Variants in HMOX2 observed in about 807,000 individuals in gnomAD.
HMOX2 encodes heme oxygenase 2, also known as heme oxygenase (decycling) 2.
A neutral mutation model predicts 33.7 loss-of-function variants in HMOX2; 30 were observed. That is an observed-to-expected ratio of 0.89 (90% CI 0.67 to 1.21). The LOEUF is 1.21. Ranked by LOEUF, HMOX2 falls within the 50% of genes most tolerant of loss-of-function variation. The probability of loss-of-function intolerance (pLI) is 0.00; values close to 1 mark genes in which losing one functional copy is unlikely to be tolerated. For synonymous variants in HMOX2, 155 were observed against 155.0 expected (o/e 1.00, Z 0.00); for missense variants, 403 against 399.1 (o/e 1.01, Z -0.08).
At chr16:4,504,081 C>T (rs1345498002) in intron 1 of HMOX2, among the ~76,000 whole-genome samples, 1 of 152,218 alleles carries the variant, frequency 6.6e-6, no homozygotes, top group Non-Finnish European at 1.5e-5. Context: ...CTGTGTTTCC[C>T]TGGCTGACAA....
chr16:4,509,548 TG>T lies in HMOX2; in HGVS notation c.823+11del. On this transcript the variant is annotated intron_variant, in intron 5 of 5. Transcript: ENST00000570646. ...GCTGAACAAGACAAAGGTAGGTCTGTGTGTCCTGAGCTCCCCTCCTGGGGCA... is the reference window on the plus strand; with the variant it reads ...GCTGAACAAGACAAAGGTAGGTCTGTTGTCCTGAGCTCCCCTCCTGGGGCA... 3 of 1,614,160 alleles carry T rather than the reference TG, an allele frequency of 1.9e-6. No homozygotes were observed. Among genetic ancestry groups the T allele is most frequent in the Non-Finnish European group, 1.7e-6 (2 of 1,180,020 alleles).
Position 4,508,213 on chromosome 16 carries a change from G to A in HMOX2, c.696+9G>A, listed in dbSNP as rs190293833. ...TTGAGTATAACATGCAGGTACTATT[G>A]GGGGCTGCCAGCTGCTAGGGCTGAA... is the stretch of plus-strand genomic sequence containing the variant. On this transcript the variant is annotated intron_variant, in intron 4 of 5. Transcript: ENST00000570646. 1.5e-3 allele frequency: 2,461 copies of A among 1,590,534 alleles called. 7 individuals are homozygous for A. The highest frequency in any genetic ancestry group is 1.4e-3 in the Non-Finnish European group (1,581 of 1,168,018).
chr16:4,508,412 T>C (rs1365333685), intron 4 of HMOX2, among the ~76,000 whole-genome samples: 1 of 151,948 alleles, frequency 6.6e-6, no homozygotes, highest in Non-Finnish European at 1.5e-5. Flanking sequence ...TAGATGCCAG[T>C]GGGTAGTGTT....
intron 1 of HMOX2, among the ~76,000 whole-genome samples, chr16:4,487,485 A>T (rs892334581): frequency 6.6e-6 from 1 of 150,952 alleles, no homozygotes; most frequent in African/African-American, 2.4e-5. Flanking sequence ...AGCCTGACCA[A>T]CATGGAGAAA....
chr16:4,503,072 C>T (rs2058598606), intron 1 of HMOX2: 1 of 152,182 alleles, frequency 6.6e-6, no homozygotes, highest in African/African-American at 2.4e-5. Context: ...ACCTCGGCCT[C>T]CCAAAGTGTT....
intron 1 of HMOX2, among the ~76,000 whole-genome samples, chr16:4,501,914 C>A (rs867324224): frequency 6.6e-6 from 1 of 152,186 alleles, no homozygotes; most frequent in Admixed American, 6.5e-5. Context: ...CCTCCTCTGC[C>A]CCCAGCCCCC....
chr16:4,509,388 TCA>T, intron 4 of HMOX2, 22 bp from the exon 5 acceptor site: 1 of 1,603,372 alleles, frequency 6.2e-7, no homozygotes, highest in South Asian at 1.1e-5. Flanking sequence ...CAAAGATGGC[TCA>T]GTCGATCCTC....
rs1395263250 is a variant in HMOX2 at position 4,509,763 on chromosome 16, C to G, written c.*7C>G. On this transcript the variant is annotated 3_prime_UTR_variant, in exon 6 of 6. Coordinates refer to ENST00000570646, the MANE Select transcript of HMOX2 (RefSeq NM_002134.4). ...GGCCTGGTACTACATGTGAAGCACC[C>G]ATCATGCCACACCGGTACCCTCCTC... The G allele has an allele frequency of 6.8e-6, 11 of 1,610,766 alleles. No individual in the cohort carries two copies. Among genetic ancestry groups the G allele is most frequent in the Non-Finnish European group, 8.5e-6 (10 of 1,178,886 alleles).
chr16:4,509,493 G>A lies in HMOX2; in HGVS notation c.778G>A (p.Gly260Arg), dbSNP rs771835435. ...EDGFPVHDGK[G>R]DMRKCPFYAA... is the part of the protein sequence containing the mutation. ...TGGGTTCCCTGTACACGATGGGAAAGGAGACATGCGTAAATGCCCTTTCTA... is the reference window on the plus strand; with the variant it reads ...TGGGTTCCCTGTACACGATGGGAAAAGAGACATGCGTAAATGCCCTTTCTA... Residue 260 changes from glycine (G) to arginine (R), a missense_variant, in exon 5 of 6, where the codon GGA (glycine) becomes AGA (arginine). By Grantham distance (125) the Gly-to-Arg change is moderately radical (BLOSUM62 -2). Transcript: ENST00000570646. 2.5e-6 allele frequency: 4 copies of A among 1,614,202 alleles called. No individual in the cohort carries two copies. The highest frequency in any genetic ancestry group is 3.4e-6 in the Non-Finnish European group (4 of 1,180,034).
At chr16:4,484,998 C>T (rs185008931) in intron 1 of HMOX2, among the ~76,000 whole-genome samples, 10 of 151,850 alleles carry the variant, frequency 6.6e-5, no homozygotes, top group African/African-American at 1.7e-4. Flanking sequence ...CGGCATCTCA[C>T]TCTGTCACCG....
At position 4,510,006 on chromosome 16, in the gene HMOX2, C is replaced by T. The variant is rs1567407783; in HGVS notation, c.*250C>T. The T allele has an allele frequency of 3.7e-6, 2 of 533,876 alleles. No homozygotes were observed. Among genetic ancestry groups the T allele is most frequent in the East Asian group, 3.0e-5 (1 of 33,382 alleles). The allele number at this position is 533,876 out of a possible 1,614,324, so 33.1% of individuals were successfully genotyped here. On this transcript the variant is annotated 3_prime_UTR_variant, in exon 6 of 6. Coordinates refer to ENST00000570646, the MANE Select transcript of HMOX2 (RefSeq NM_002134.4). ...AGTGCAGCAAGCCTGGCCCCCGACC[C>T]AGCTCTACTCCAGGCTTCCACACTT...
chr16:4,496,840 T>G (rs984572500), intron 1 of HMOX2: 13 of 151,590 alleles, frequency 8.6e-5, no homozygotes, highest in African/African-American at 3.2e-4. Flanking sequence ...ATGGCTTCTT[T>G]TAAAAAAAAA....
At chr16:4,490,910 T>G (rs1373736681) in intron 1 of HMOX2, among the ~76,000 whole-genome samples, 3 of 152,106 alleles carry the variant, frequency 2.0e-5, no homozygotes, top group Non-Finnish European at 4.4e-5. Flanking sequence ...TTTGTGGTGG[T>G]GGGGTATGTG....
chr16:4,509,625 A>G lies in HMOX2; in HGVS notation c.824-4A>G. 1 of 1,613,454 alleles carries G rather than the reference A, an allele frequency of 6.2e-7. No individual in the cohort carries two copies. The highest frequency in any genetic ancestry group is 8.5e-7 in the Non-Finnish European group (1 of 1,179,420). On this transcript the variant is annotated splice_region_variant and splice_polypyrimidine_tract_variant and intron_variant, in intron 5 of 5. Transcript: ENST00000570646. ...CCATGTCTCCTATTGGTGCTGCCAC[A>G]CAGGTGCCCTGGAGGGCAGCAGCTG...
At chr16:4,486,522 A>G (rs1188160389) in intron 1 of HMOX2, among the ~76,000 whole-genome samples, 2 of 152,236 alleles carry the variant, frequency 1.3e-5, no homozygotes, top group Non-Finnish European at 2.9e-5. Flanking sequence ...TGAGTTGAAG[A>G]CACAGAAACT....
intron 1 of HMOX2, among the ~76,000 whole-genome samples, chr16:4,487,864 C>G (rs1362801576): frequency 1.3e-5 from 2 of 148,954 alleles, no homozygotes; most frequent in Non-Finnish European, 3.0e-5. Context: ...GGCAGGAGAA[C>G]TGCTTGAACC....
At chr16:4,481,224 C>T (rs970458828) in intron 1 of HMOX2, among the ~76,000 whole-genome samples, 1 of 151,748 alleles carries the variant, frequency 6.6e-6, no homozygotes, top group African/African-American at 2.4e-5. Flanking sequence ...TGGCGGGCGC[C>T]TGTAGTCCCG....
At chr16:4,508,738 A>C (rs938348025) in intron 4 of HMOX2, among the ~76,000 whole-genome samples, 1 of 152,094 alleles carries the variant, frequency 6.6e-6, no homozygotes, top group Non-Finnish European at 1.5e-5. Context: ...CCCATGTTCC[A>C]GGTTTTCTGT....
intron 4 of HMOX2, 115 bp downstream of exon 4, chr16:4,508,319 T>C: frequency 7.9e-7 from 1 of 1,265,270 alleles, no homozygotes; most frequent in Non-Finnish European, 1.1e-6. Context: ...AGCTGCAGGG[T>C]GCCGAGAGGA....
Sources: gnomAD v4.1 joint callset for allele counts (sites outside exome capture counted in the v4.1 genomes callset) on GRCh38, gnomAD v4.1.1 for gene constraint, MANE v1.5 for transcripts, NCBI Gene and HGNC (gene_info 2026-07-23, HGNC 2026-07-21) for gene names.